The following ARHGAP18 variants were observed in gnomAD, a reference collection of about 807,000 sequenced individuals.
ARHGAP18 encodes the protein rho GTPase-activating protein 18.
ARHGAP18 carries 67 observed loss-of-function variants against 86.2 expected under a neutral mutation model. The ratio of observed to expected loss-of-function variants is 0.78; its 90% CI spans 0.64 to 0.95. The LOEUF (loss-of-function observed/expected upper bound fraction) is 0.95, where lower values mean the gene tolerates loss of function less well. ARHGAP18 is among the 40% of genes least tolerant of loss of function. The probability of loss-of-function intolerance (pLI) is 0.00; values close to 1 mark genes in which losing one functional copy is unlikely to be tolerated. For synonymous variants in ARHGAP18, 283 were observed against 280.4 expected (o/e 1.01, Z -0.09); for missense variants, 691 against 780.4 (o/e 0.89, Z 1.37).
At chr6:129,658,382 CA>C (rs893157512) in intron 1 of ARHGAP18, among the ~76,000 whole-genome samples, 2 of 144,148 alleles carry the variant, frequency 1.4e-5, no homozygotes, top group African/African-American at 2.6e-5. Flanking sequence ...TTTATGATTA[CA>C]AAAAAATTAA....
chr6:129,662,138 C>T (rs2114520084), intron 1 of ARHGAP18, among the ~76,000 whole-genome samples: 1 of 152,336 alleles, frequency 6.6e-6, no homozygotes, highest in South Asian at 2.1e-4. Flanking sequence ...TGTAAAAAGC[C>T]TTAAAATATA....
chr6:129,582,151 G>A (rs1179406995), intron 13 of ARHGAP18, among the ~76,000 whole-genome samples: 2 of 145,634 alleles, frequency 1.4e-5, no homozygotes, highest in Admixed American at 6.7e-5. Context: ...GAGGAAGAGC[G>A]GGATGAAGAT....
chr6:129,672,731 CAAT>C (rs948982730), intron 1 of ARHGAP18, among the ~76,000 whole-genome samples: 9 of 152,184 alleles, frequency 5.9e-5, no homozygotes, highest in African/African-American at 2.2e-4. Flanking sequence ...ATGCTCCTTC[CAAT>C]AATGTCTTTG....
chr6:129,577,095 T>C lies in ARHGAP18; in HGVS notation c.*1418A>G, dbSNP rs1788192191. On this transcript the variant is annotated 3_prime_UTR_variant, in exon 15 of 15. Transcript: ENST00000368149. ...TAAAAGTAATGATTCCAAGAGAAGA[T>C]AATTTAGAAAAAGGCATTTAATTAC... is the stretch of plus-strand genomic sequence containing the variant. 6.6e-6 allele frequency: 1 copy of C among 152,136 alleles called. No individual in the cohort carries two copies. The highest frequency in any genetic ancestry group is 2.4e-5 in the African/African-American group (1 of 41,448). 9.4% of individuals were successfully genotyped at this position (152,136 alleles called of 1,614,324 possible).
chr6:129,629,569 T>C (rs1773147606), intron 4 of ARHGAP18, 47 bp from the exon 5 acceptor site: 1 of 1,556,768 alleles, frequency 6.4e-7, no homozygotes, highest in South Asian at 1.2e-5. Flanking sequence ...TTTATTTATT[T>C]TTTAAAAAAA....
intron 1 of ARHGAP18, among the ~76,000 whole-genome samples, chr6:129,670,318 T>G (rs1209229630): frequency 6.6e-6 from 1 of 152,212 alleles, no homozygotes; most frequent in Non-Finnish European, 1.5e-5. Context: ...ATTCCCACTT[T>G]CTTATATGGT....
intron 1 of ARHGAP18, among the ~76,000 whole-genome samples, chr6:129,705,753 C>T (rs1327000954): frequency 3.9e-5 from 6 of 152,180 alleles, no homozygotes; most frequent in African/African-American, 1.4e-4. Flanking sequence ...AAACCAGACA[C>T]TCTTCTATGG....
intron 10 of ARHGAP18, 96 bp downstream of exon 10, chr6:129,605,781 A>T: frequency 9.0e-7 from 1 of 1,113,646 alleles, no homozygotes; most frequent in Non-Finnish European, 1.3e-6. Context: ...TTTTATGACC[A>T]TGTCCAAGAT....
At chr6:129,611,343 A>C (rs1259990045) in intron 8 of ARHGAP18, among the ~76,000 whole-genome samples, 190 bp downstream of exon 8, 1 of 152,238 alleles carries the variant, frequency 6.6e-6, no homozygotes, top group Non-Finnish European at 1.5e-5. Context: ...AAACAAAACA[A>C]AACAAAAAAC....
In ARHGAP18 at chr6:129,580,363, G is replaced by A. The variant is rs540540670; in HGVS notation, c.1839-232C>T. Among the ~76,000 whole-genome samples the A allele has an allele frequency of 8.5e-5, 13 of 152,298 alleles. 1 individual carries two copies. The South Asian group carries it at 2.5e-3, about 29-fold the overall frequency. On this transcript the variant is annotated intron_variant, in intron 13 of 14. Coordinates refer to ENST00000368149, the MANE Select transcript of ARHGAP18 (RefSeq NM_033515.3). The stretch of plus-strand genomic sequence containing the variant: ...GAATTATACATCTGAAGGCAAAGTA[G>A]TAAACCAGTATCTAAATTTGTAAAA...
intron 11 of ARHGAP18, 37 bp downstream of exon 11, chr6:129,600,605 T>A: frequency 6.6e-7 from 1 of 1,524,246 alleles, no homozygotes; most frequent in Non-Finnish European, 8.9e-7. Context: ...ATTTGTTTTT[T>A]AAACTACTAA....
intron 5 of ARHGAP18, among the ~76,000 whole-genome samples, chr6:129,627,794 A>G (rs1236725018): frequency 6.6e-6 from 1 of 152,194 alleles, no homozygotes; most frequent in Non-Finnish European, 1.5e-5. Flanking sequence ...CTGTATAAAA[A>G]GATTATAAAA....
At chr6:129,642,996 T>C (rs1262372878) in intron 1 of ARHGAP18, among the ~76,000 whole-genome samples, 1 of 152,148 alleles carries the variant, frequency 6.6e-6, no homozygotes, top group Admixed American at 6.5e-5. Flanking sequence ...GAAGAATAAA[T>C]TGAATAAATA....
intron 10 of ARHGAP18, among the ~76,000 whole-genome samples, chr6:129,601,184 C>T (rs1788735213): frequency 6.6e-6 from 1 of 152,172 alleles, no homozygotes; most frequent in Non-Finnish European, 1.5e-5. Flanking sequence ...ATCATACAAA[C>T]ATTTGCTTAT....
intron 1 of ARHGAP18, among the ~76,000 whole-genome samples, chr6:129,683,123 C>G (rs545792589): frequency 2.5e-4 from 38 of 150,432 alleles, no homozygotes; most frequent in Middle Eastern, 7.1e-3. Flanking sequence ...CCAGGCTGGA[C>G]TGCAGTGGCG....
At chr6:129,662,077 C>T in intron 1 of ARHGAP18, 1 of 179,908 alleles carries the variant, frequency 5.6e-6, no homozygotes, top group Non-Finnish European at 1.1e-5. Context: ...TCTGAAGGCT[C>T]CATGCTAGAT....
rs1374251052 is a variant in ARHGAP18, at chr6:129,576,865, G to A, written c.*1648C>T. 6.6e-6 allele frequency: 1 copy of A among 151,750 alleles called. No individual in the cohort carries two copies. The highest frequency in any genetic ancestry group is 2.4e-5 in the African/African-American group (1 of 41,334). 9.4% of individuals were successfully genotyped at this position (151,750 alleles called of 1,614,324 possible). A position where few individuals can be genotyped will look rare whatever the true frequency, so the allele number is the denominator to read the frequency against. ...ATTAATACATATTGTCAAAGAAACA[G>A]ACTAAACTGTATTTTGAAAATCCTG... On this transcript the variant is annotated 3_prime_UTR_variant, in exon 15 of 15. Coordinates refer to ENST00000368149, the MANE Select transcript of ARHGAP18 (RefSeq NM_033515.3).
rs1257383429 is a variant in ARHGAP18, at chr6:129,683,049, T to C, written c.113+26975A>G. On this transcript the variant is annotated intron_variant, in intron 1 of 14. Coordinates refer to ENST00000368149, the MANE Select transcript of ARHGAP18 (RefSeq NM_033515.3). ...AAAAAAAAGTGAGAAATGTGTTTTG[T>C]TTTTTCTTTTTTTTTTTTTGTTTTT... Among the ~76,000 whole-genome samples, 3 of 106,696 alleles carry C rather than the reference T, an allele frequency of 2.8e-5. No homozygotes were observed. In the East Asian group the frequency reaches 6.7e-4, roughly 24 times the overall value. 70.0% of individuals were successfully genotyped at this position (106,696 alleles called of 152,430 possible). A position where few individuals can be genotyped will look rare whatever the true frequency, so the allele number is the denominator to read the frequency against.
At position 129,600,837 on chromosome 6, in the gene ARHGAP18, T is replaced by A; in HGVS notation, c.1377A>T (p.Glu459Asp). The A allele has an allele frequency of 6.2e-7, 1 of 1,611,322 alleles. No homozygotes were observed. The highest frequency in any genetic ancestry group is 8.5e-7 in the Non-Finnish European group (1 of 1,178,710). ...ANRDTLKALLEFLQRVIDNKE... is the reference protein window; with the variant it reads ...ANRDTLKALLDFLQRVIDNKE... The stretch of plus-strand genomic sequence containing the variant: ...TATTATCTATTACTCTTTGGAGAAA[T>A]TCAAGAAGGGCCTGAAACAGAAATG... The change falls in exon 11 of 15, where the codon GAA (glutamate) becomes GAT (aspartate). Residue 459 changes from glutamate to aspartate, a missense_variant. Coordinates refer to ENST00000368149, the MANE Select transcript of ARHGAP18 (RefSeq NM_033515.3).
Sources: allele counts gnomAD v4.1 joint callset (sites outside exome capture counted in the v4.1 genomes callset), GRCh38; gene constraint gnomAD v4.1.1; transcripts MANE v1.5; gene names NCBI Gene and HGNC (gene_info 2026-07-23, HGNC 2026-07-21).